Variants in PCGF2 observed in about 807,000 individuals in gnomAD.
PCGF2 encodes polycomb group ring finger 2.
PCGF2 carries 8 observed loss-of-function variants against 36.1 expected under a neutral mutation model. The ratio of observed to expected loss-of-function variants is 0.22; its 90% CI spans 0.13 to 0.40. The LOEUF (loss-of-function observed/expected upper bound fraction) is 0.40. Among genes scored for constraint, PCGF2 ranks in the 10% least tolerant of loss-of-function variants. PCGF2 has a pLI of 1.00. For synonymous variants in PCGF2, 198 were observed against 191.2 expected (o/e 1.04, Z -0.29); for missense variants, 436 against 475.9 (o/e 0.92, Z 0.78).
intron 2 of PCGF2, among the ~76,000 whole-genome samples, chr17:38,741,875 CCACAAGCA>C (rs1907223007): frequency 2.0e-5 from 3 of 152,182 alleles, no homozygotes; most frequent in Non-Finnish European, 4.4e-5. Context: ...TGCTCCCTGT[CCACAAGCA>C]CACAGGGTCC....
chr17:38,735,136 G>A lies in PCGF2; in HGVS notation c.*87C>T, dbSNP rs1371100718. 9.2e-7 allele frequency: 1 copy of A among 1,089,246 alleles called. No individual in the cohort carries two copies. Among genetic ancestry groups the A allele is most frequent in the Non-Finnish European group, 1.2e-6 (1 of 828,350 alleles). 67.5% of individuals were successfully genotyped at this position (1,089,246 alleles called of 1,614,324 possible). On this transcript the variant is annotated 3_prime_UTR_variant, in exon 11 of 11. Transcript: ENST00000620225. ...CCACCCCCAAGGTGGGAAGAGCTGG[G>A]GAAAGTAGAAGAGGTGGAAAAAAGG... is the stretch of plus-strand genomic sequence containing the variant.
At position 38,738,444 on chromosome 17, in the gene PCGF2, CCT is replaced by C. The variant is rs761927304; in HGVS notation, c.483_484del (p.Val163AlafsTer94). ...TGCTGGGCATCGCAGGAAGCGCACC[CCT>C]GTCTGCTGGGGCACAGGCACCCATG... is the stretch of plus-strand genomic sequence containing the variant. On this transcript the variant is annotated frameshift_variant and splice_region_variant, in exon 9 of 11. Coordinates refer to ENST00000620225, the MANE Select transcript of PCGF2 (RefSeq NM_007144.3). LOFTEE classifies it high-confidence loss of function. 3 of 1,614,158 alleles carry C rather than the reference CCT, an allele frequency of 1.9e-6. No homozygotes were observed. Among genetic ancestry groups the C allele is most frequent in the Admixed American group, 3.3e-5 (2 of 60,026 alleles).
In PCGF2 at chr17:38,739,002, A is replaced by G. The variant is rs1906987216; in HGVS notation, c.316+66T>C. The G allele has an allele frequency of 5.7e-6, 9 of 1,577,138 alleles. No individual in the cohort carries two copies. Among genetic ancestry groups the G allele is most frequent in the Middle Eastern group, 2.3e-4 (1 of 4,410 alleles). ...CGGAGGAGGTCAGAGGGTGAGGGGTAGCGCTACACACCTACATGGTCCCAG... is the reference window on the plus strand; with the variant it reads ...CGGAGGAGGTCAGAGGGTGAGGGGTGGCGCTACACACCTACATGGTCCCAG... On this transcript the variant is annotated intron_variant, in intron 6 of 10. Coordinates refer to ENST00000620225, the MANE Select transcript of PCGF2 (RefSeq NM_007144.3). This position sits in a 1 kb window ranked among gnomAD's most constrained non-coding sequence, Gnocchi z 4.0.
At chr17:38,742,700 C>T (rs1447447409) in intron 2 of PCGF2, among the ~76,000 whole-genome samples, 1 of 152,214 alleles carries the variant, frequency 6.6e-6, no homozygotes, top group African/African-American at 2.4e-5. Flanking sequence ...CATAGTAACC[C>T]TGTCCCTGGC....
intron 2 of PCGF2, among the ~76,000 whole-genome samples, chr17:38,744,191 G>A (rs1466641127): frequency 6.6e-6 from 1 of 152,140 alleles, no homozygotes; most frequent in Non-Finnish European, 1.5e-5. Context: ...CACATTCTGG[G>A]CCCTGAGGCC....
In PCGF2 at chr17:38,739,686, G is replaced by C. The variant is rs1373371975; in HGVS notation, c.113-4C>G. ...CGCACGATGCAGGTTTTGCAGACTTGGGGGTGTGGAGAGAGAGAGGAGAGT... is the reference window on the plus strand; with the variant it reads ...CGCACGATGCAGGTTTTGCAGACTTCGGGGTGTGGAGAGAGAGAGGAGAGT... On this transcript the variant is annotated splice_polypyrimidine_tract_variant and splice_region_variant and intron_variant, in intron 3 of 10. Coordinates refer to ENST00000620225, the MANE Select transcript of PCGF2 (RefSeq NM_007144.3). This position sits in a 1 kb window ranked among gnomAD's most constrained non-coding sequence, Gnocchi z 4.0. The C allele has an allele frequency of 1.2e-6, 2 of 1,611,904 alleles. No individual in the cohort carries two copies. Among genetic ancestry groups the C allele is most frequent in the Non-Finnish European group, 1.7e-6 (2 of 1,178,034 alleles).
chr17:38,738,022 G>C (rs1482927537), intron 9 of PCGF2, among the ~76,000 whole-genome samples: 1 of 152,032 alleles, frequency 6.6e-6, no homozygotes, highest in Non-Finnish European at 1.5e-5. Flanking sequence ...GCTATGTCCT[G>C]GAGCTCCGTT....
At chr17:38,742,614 G>T (rs1907275402) in intron 2 of PCGF2, among the ~76,000 whole-genome samples, 1 of 152,052 alleles carries the variant, frequency 6.6e-6, no homozygotes, top group Non-Finnish European at 1.5e-5. Context: ...GGTGGCCTCG[G>T]CCAGCCCTCC....
Position 38,736,567 on chromosome 17 carries a change from G to A in PCGF2, c.577-397C>T, listed in dbSNP as rs374703717. 5.2e-4 allele frequency among the ~76,000 whole-genome samples: 79 copies of A among 152,332 alleles called. 2 individuals carry two copies. Among genetic ancestry groups the A allele is most frequent in the East Asian group, 2.5e-3 (13 of 5,182 alleles). On this transcript the variant is annotated intron_variant, in intron 9 of 10. Transcript: ENST00000620225. ...AACACCAATGTGGCCGGGTGCGGTGGCTCATGCCTGTAATCCCAGCACTTT... is the reference window on the plus strand; with the variant it reads ...AACACCAATGTGGCCGGGTGCGGTGACTCATGCCTGTAATCCCAGCACTTT...
At chr17:38,744,264 C>T (rs545652662) in intron 2 of PCGF2, among the ~76,000 whole-genome samples, 74 of 152,332 alleles carry the variant, frequency 4.9e-4, no homozygotes, top group Middle Eastern at 6.8e-3. Context: ...CATCCAACCC[C>T]GACCCCTCTT....
In PCGF2 at chr17:38,738,968, A is replaced by G. The variant is rs931344713; in HGVS notation, c.316+100T>C. ...AGGTGAGCCCAGCCACCTTCTGGAG[A>G]GGTGTGCGCGGAGGAGGTCAGAGGG... is the stretch of plus-strand genomic sequence containing the variant. On this transcript the variant is annotated intron_variant, in intron 6 of 10. Coordinates refer to ENST00000620225, the MANE Select transcript of PCGF2 (RefSeq NM_007144.3). The G allele has an allele frequency of 2.9e-5, 45 of 1,533,884 alleles. No homozygotes were observed. In the Admixed American group the frequency reaches 7.4e-4, roughly 25 times the overall value.
Position 38,735,365 on chromosome 17 carries a change from G to A in PCGF2, c.893C>T (p.Thr298Ile). ...GGCTGTCGAAGGGGGAGTGGGGGAG[G>A]TAGGGTGGGTGGCTGGAGGCCCATG... ...SSHGPPATHP[T>I]SPTPPSTASG... The change falls in exon 11 of 11, where the codon ACC (threonine) becomes ATC (isoleucine). Residue 298 changes from threonine (T) to isoleucine (I), a missense_variant. Thr to Ile is a moderately conservative substitution (Grantham distance 89). Coordinates refer to ENST00000620225, the MANE Select transcript of PCGF2 (RefSeq NM_007144.3). The A allele has an allele frequency of 6.4e-7, 1 of 1,562,632 alleles. No homozygotes were observed. Among genetic ancestry groups the A allele is most frequent in the Non-Finnish European group, 8.7e-7 (1 of 1,152,186 alleles).
At position 38,739,019 on chromosome 17, in the gene PCGF2, T is replaced by C; in HGVS notation, c.316+49A>G. On this transcript the variant is annotated intron_variant, in intron 6 of 10. Transcript: ENST00000620225. The surrounding 1 kb of genome is among the most constrained non-coding windows in gnomAD (Gnocchi z 4.0). ...TGAGGGGTAGCGCTACACACCTACA[T>C]GGTCCCAGGCAAGACTGTGCACACA... 6.2e-7 allele frequency: 1 copy of C among 1,606,000 alleles called. No individual in the cohort carries two copies. Among genetic ancestry groups the C allele is most frequent in the Non-Finnish European group, 8.5e-7 (1 of 1,174,468 alleles).
intron 2 of PCGF2, 57 bp from the exon 3 acceptor site, chr17:38,740,499 C>G (rs1907120200): frequency 7.4e-7 from 1 of 1,348,700 alleles, no homozygotes; most frequent in Non-Finnish European, 1.0e-6. Context: ...GTGGTTCACG[C>G]CTGTAATCCC....
Position 38,739,702 on chromosome 17 carries a change from A to G in PCGF2, c.113-20T>C, listed in dbSNP as rs533676341. ...TGCAGACTTGGGGGTGTGGAGAGAG[A>G]GAGGAGAGTCAGAGCCAACTTCCAA... On this transcript the variant is annotated intron_variant, in intron 3 of 10. Coordinates refer to ENST00000620225, the MANE Select transcript of PCGF2 (RefSeq NM_007144.3). The surrounding 1 kb of genome is among the most constrained non-coding windows in gnomAD (Gnocchi z 4.0). 6 of 1,599,600 alleles carry G rather than the reference A, an allele frequency of 3.8e-6. No individual in the cohort carries two copies. In the Admixed American group the frequency reaches 1.0e-4, roughly 27 times the overall value.
chr17:38,738,521 G>A lies in PCGF2; in HGVS notation c.480+20C>T. ...CCCTCCCAGCCCACATTCCAGTCCT[G>A]GGCAGGCCCCAGCACTCACTTTCTC... On this transcript the variant is annotated intron_variant, in intron 8 of 10. Coordinates refer to ENST00000620225, the MANE Select transcript of PCGF2 (RefSeq NM_007144.3). 6.2e-7 allele frequency: 1 copy of A among 1,611,052 alleles called. No homozygotes were observed. The highest frequency in any genetic ancestry group is 8.5e-7 in the Non-Finnish European group (1 of 1,177,960).
chr17:38,745,184 T>C (rs1160539420), intron 2 of PCGF2, among the ~76,000 whole-genome samples: 2 of 152,014 alleles, frequency 1.3e-5, no homozygotes, highest in African/African-American at 4.8e-5. Flanking sequence ...TACAAAACAT[T>C]AGTTGGGTGT....
At chr17:38,737,138 A>AAAAC (rs376190294) in intron 9 of PCGF2, among the ~76,000 whole-genome samples, 27 of 151,498 alleles carry the variant, frequency 1.8e-4, no homozygotes, top group South Asian at 1.7e-3. Context: ...TCTGTCTCAA[A>AAAAC]AAACAAACAA....
chr17:38,740,386 C>A lies in PCGF2; in HGVS notation c.17G>T (p.Arg6Leu). MHRTT[R>L]IKITELNPHL... ...GGGGTTCAGCTCTGTGATTTTGATC[C>A]GTGTAGTCCGATGCATGATTCCGGG... Residue 6 changes from arginine to leucine, a missense_variant, in exon 3 of 11, where the codon CGG becomes CTG. By Grantham distance (102) the Arg-to-Leu change is moderately radical (BLOSUM62 -2). Around this residue, in one of 3 missense-constraint regions of PCGF2, gnomAD observed 189 missense variants for 219.3 expected, o/e 0.86. Transcript: ENST00000620225. The A allele has an allele frequency of 6.4e-7, 1 of 1,554,890 alleles. No homozygotes were observed. The highest frequency in any genetic ancestry group is 8.8e-7 in the Non-Finnish European group (1 of 1,138,282).
Sources: gnomAD v4.1 joint callset for allele counts (sites outside exome capture counted in the v4.1 genomes callset) on GRCh38, gnomAD v4.1.1 for gene constraint, gnomAD v4.1.1 regional missense constraint, Gnocchi (gnomAD v3.1) non-coding constraint, MANE v1.5 for transcripts, NCBI Gene and HGNC (gene_info 2026-07-23, HGNC 2026-07-21) for gene names.